Variants in CNTN6 observed in about 807,000 individuals in gnomAD.
CNTN6 encodes contactin 6.
In CNTN6, 137 loss-of-function variants were observed where a neutral mutation model predicts 122.8. That is an observed-to-expected ratio of 1.12 (90% CI 0.97 to 1.29). The LOEUF (loss-of-function observed/expected upper bound fraction) is 1.29, where lower values mean the gene tolerates loss of function less well. CNTN6 is among the 50% of genes most tolerant of loss of function. CNTN6 has a pLI of 0.00. For synonymous variants in CNTN6, 570 were observed against 426.0 expected (o/e 1.34, Z -4.16); for missense variants, 1,634 against 1,223.4 (o/e 1.34, Z -5.01).
intron 2 of CNTN6, among the ~76,000 whole-genome samples, chr3:1,157,319 G>A (rs1174928692): frequency 6.6e-6 from 1 of 152,054 alleles, no homozygotes; most frequent in Non-Finnish European, 1.5e-5. Flanking sequence ...CCAGGTTCAA[G>A]CGTTTCTCCT....
intron 12 of CNTN6, among the ~76,000 whole-genome samples, chr3:1,358,196 C>G (rs192499921): frequency 6.6e-6 from 1 of 151,830 alleles, no homozygotes; most frequent in Non-Finnish European, 1.5e-5. Flanking sequence ...TCAACCGATA[C>G]GTTTATTCTG....
intron 3 of CNTN6, among the ~76,000 whole-genome samples, chr3:1,226,837 A>C (rs779879277): frequency 6.6e-6 from 1 of 152,172 alleles, no homozygotes; most frequent in African/African-American, 2.4e-5. Flanking sequence ...GTGAGAAAAG[A>C]TATTTTTCTA....
At chr3:1,374,634 A>T (rs1709595804) in intron 16 of CNTN6, among the ~76,000 whole-genome samples, 1 of 152,088 alleles carries the variant, frequency 6.6e-6, no homozygotes, top group Non-Finnish European at 1.5e-5. Flanking sequence ...ATGCCTTCTT[A>T]AGCTCTTTTC....
chr3:1,267,945 T>C (rs532736295), intron 4 of CNTN6, among the ~76,000 whole-genome samples: 5 of 152,246 alleles, frequency 3.3e-5, no homozygotes, highest in African/African-American at 1.2e-4. Context: ...CTTTCCCACA[T>C]GAGGATGATT....
intron 2 of CNTN6, among the ~76,000 whole-genome samples, chr3:1,219,609 C>T (rs1553138): frequency 0.11 from 16,889 of 152,076 alleles, 1,805 homozygotes; most frequent in East Asian, 0.49. Context: ...TTCAGACAAG[C>T]CCAAATGAGG....
chr3:1,177,449 T>C (rs2093472201), intron 2 of CNTN6, among the ~76,000 whole-genome samples: 1 of 152,210 alleles, frequency 6.6e-6, no homozygotes, highest in Admixed American at 6.5e-5. Flanking sequence ...ATTTAAATTG[T>C]ATTTTTGTCT....
At chr3:1,095,987 C>G (rs2090504260) in intron 1 of CNTN6, among the ~76,000 whole-genome samples, 1 of 152,130 alleles carries the variant, frequency 6.6e-6, no homozygotes, top group Non-Finnish European at 1.5e-5. Context: ...AGTAGTACCT[C>G]TCCACCAAAG....
chr3:1,259,669 T>C (rs555321174), intron 4 of CNTN6, among the ~76,000 whole-genome samples: 16 of 152,230 alleles, frequency 1.1e-4, no homozygotes, highest in Admixed American at 2.6e-4. Context: ...GGCTCTGTCC[T>C]TTACAATGTA....
In CNTN6 at chr3:1,325,932, G is replaced by A; in HGVS notation, c.1064G>A (p.Gly355Asp). ...CCTTGGTATACATGGTTAAAAAATG[G>A]TGAACGACTCAACCCAGAGGTAAGC... Reference protein sequence around the residue: ...PNPWYTWLKNGERLNPEERIQ... With the variant: ...PNPWYTWLKNDERLNPEERIQ... The change falls in exon 9 of 23, where the codon GGT (glycine) becomes GAT (aspartate). Residue 355 changes from glycine to aspartate, a missense_variant. By Grantham distance (94) the Gly-to-Asp change is moderately conservative. Transcript: ENST00000446702. 3 of 1,611,182 alleles carry A rather than the reference G, an allele frequency of 1.9e-6. No individual in the cohort carries two copies. Among genetic ancestry groups the A allele is most frequent in the Non-Finnish European group, 2.5e-6 (3 of 1,178,346 alleles).
At chr3:1,339,379 A>C (rs952381768) in intron 11 of CNTN6, among the ~76,000 whole-genome samples, 6 of 152,152 alleles carry the variant, frequency 3.9e-5, no homozygotes, top group Non-Finnish European at 8.8e-5. Flanking sequence ...TCATTTATTT[A>C]TAAGTATAGT....
At chr3:1,201,967 A>AT (rs1318948122) in intron 2 of CNTN6, among the ~76,000 whole-genome samples, 4 of 151,480 alleles carry the variant, frequency 2.6e-5, no homozygotes, top group Admixed American at 6.6e-5. Flanking sequence ...ATAATTGGGT[A>AT]TTTTTTCTCT....
At chr3:1,154,732 C>T (rs550677647) in intron 2 of CNTN6, among the ~76,000 whole-genome samples, 3 of 152,216 alleles carry the variant, frequency 2.0e-5, no homozygotes, top group Admixed American at 1.3e-4. Flanking sequence ...CGTGAGCCAC[C>T]GCGCCCGGCC....
intron 8 of CNTN6, among the ~76,000 whole-genome samples, chr3:1,322,418 A>G (rs1700983020): frequency 6.6e-6 from 1 of 151,686 alleles, no homozygotes; most frequent in African/African-American, 2.4e-5. Context: ...TCTTTAATCC[A>G]GGATTGAAAT....
At chr3:1,110,408 G>A (rs1301378616) in intron 1 of CNTN6, among the ~76,000 whole-genome samples, 1 of 152,058 alleles carries the variant, frequency 6.6e-6, no homozygotes, top group African/African-American at 2.4e-5. Context: ...ATTGCCTCTT[G>A]ACTTAGGATT....
intron 12 of CNTN6, among the ~76,000 whole-genome samples, chr3:1,354,061 T>C (rs896056071): frequency 1.3e-5 from 2 of 151,490 alleles, no homozygotes; most frequent in African/African-American, 4.8e-5. Flanking sequence ...CTTCCTCCAG[T>C]GTTTCTTAAA....
chr3:1,322,233 T>C (rs1158951954), intron 8 of CNTN6, among the ~76,000 whole-genome samples: 1 of 151,730 alleles, frequency 6.6e-6, no homozygotes, highest in Non-Finnish European at 1.5e-5. Flanking sequence ...TAATACTGCA[T>C]GGTGGTTTAT....
chr3:1,292,465 G>C (rs565755834), intron 5 of CNTN6, among the ~76,000 whole-genome samples: 4 of 152,178 alleles, frequency 2.6e-5, no homozygotes, highest in Admixed American at 1.3e-4. Flanking sequence ...TGCGTCATTT[G>C]GAGGGTGTCG....
intron 2 of CNTN6, among the ~76,000 whole-genome samples, chr3:1,183,732 C>A (rs1160309180): frequency 6.6e-6 from 1 of 152,086 alleles, no homozygotes; most frequent in East Asian, 1.9e-4. Context: ...AATATTACCA[C>A]AATCATAGTG....
intron 2 of CNTN6, chr3:1,173,344 C>T (rs901935632): frequency 1.1e-5 from 5 of 455,932 alleles, no homozygotes; most frequent in Admixed American, 2.4e-5. Context: ...CCAGTAAAAA[C>T]AGCTGCCTTT....
Sources: allele counts gnomAD v4.1 joint callset (sites outside exome capture counted in the v4.1 genomes callset), GRCh38; gene constraint gnomAD v4.1.1; transcripts MANE v1.5; gene names NCBI Gene and HGNC (gene_info 2026-07-23, HGNC 2026-07-21).